The following NRG3 variants were observed in gnomAD, a reference collection of about 807,000 sequenced individuals.
The protein encoded by NRG3 is neuregulin 3.
In NRG3, 31 loss-of-function variants were observed where a neutral mutation model predicts 66.9. That is an observed-to-expected ratio of 0.46 (90% CI 0.35 to 0.63). NRG3 has a LOEUF of 0.63. NRG3 is among the 20% of genes least tolerant of loss of function. The pLI is 0.00. For synonymous variants in NRG3, 393 were observed against 359.4 expected, an observed-to-expected ratio of 1.09 and a Z score of -1.06; for missense variants, 910 against 878.9, an observed-to-expected ratio of 1.04 and a Z score of -0.45.
intron 4 of NRG3, among the ~76,000 whole-genome samples, chr10:82,867,028 A>T (rs903526119): frequency 6.6e-6 from 1 of 152,198 alleles, no homozygotes; most frequent in African/African-American, 2.4e-5. Context: ...ATGATAAACT[A>T]TACTGGAATT....
chr10:82,208,134 A>G (rs2075217785), intron 1 of NRG3, among the ~76,000 whole-genome samples: 1 of 152,164 alleles, frequency 6.6e-6, no homozygotes, highest in Admixed American at 6.6e-5. Flanking sequence ...CTTAAGTCTC[A>G]TCGATATAAA....
chr10:82,894,976 G>C (rs1843511226), intron 4 of NRG3, among the ~76,000 whole-genome samples: 1 of 152,134 alleles, frequency 6.6e-6, no homozygotes, highest in East Asian at 1.9e-4. Context: ...TCCCACTTAT[G>C]AGTCAGAACA....
chr10:82,947,067 G>A (rs1235420783), intron 4 of NRG3, among the ~76,000 whole-genome samples: 1 of 152,072 alleles, frequency 6.6e-6, no homozygotes, highest in Non-Finnish European at 1.5e-5. Context: ...TAACATGTCT[G>A]TAACTCCCAA....
chr10:82,324,264 T>A (rs1412419692), intron 1 of NRG3, among the ~76,000 whole-genome samples: 1 of 152,244 alleles, frequency 6.6e-6, no homozygotes, highest in Non-Finnish European at 1.5e-5. Flanking sequence ...TCTGTAGTGC[T>A]GTCATTTCTC....
At chr10:82,742,007 A>G (rs2058446324) in intron 3 of NRG3, among the ~76,000 whole-genome samples, 1 of 152,158 alleles carries the variant, frequency 6.6e-6, no homozygotes, top group South Asian at 2.1e-4. Context: ...TGCTCATGAT[A>G]TCTTCAGAAT....
chr10:82,140,427 C>A (rs1201244524), intron 1 of NRG3, among the ~76,000 whole-genome samples: 3 of 152,226 alleles, frequency 2.0e-5, no homozygotes, highest in Non-Finnish European at 4.4e-5. Context: ...TTTACACTAT[C>A]AATTGGCTGA....
chr10:81,956,058 G>A lies in NRG3; in HGVS notation c.823+79895G>A, dbSNP rs149344197. Among the ~76,000 whole-genome samples, 442 of 152,236 alleles carry A rather than the reference G, an allele frequency of 2.9e-3. 2 individuals are homozygous for A. Among genetic ancestry groups the A allele is most frequent in the African/African-American group, 5.4e-3 (226 of 41,560 alleles). On this transcript the variant is annotated intron_variant, in intron 1 of 8. Coordinates refer to ENST00000372141, the MANE Select transcript of NRG3 (RefSeq NM_001010848.4). ...GACCACAGCAAAGATCTCATCCCAC[G>A]TGCTTTTCTTACAGTGTAACTTTGG... is the stretch of plus-strand genomic sequence containing the variant.
At chr10:82,364,467 T>C (rs1280439881) in intron 2 of NRG3, among the ~76,000 whole-genome samples, 1 of 152,182 alleles carries the variant, frequency 6.6e-6, no homozygotes, top group African/African-American at 2.4e-5. Flanking sequence ...AATCAGAATA[T>C]TCTATGATCT....
At chr10:81,925,074 T>C (rs758015335) in intron 1 of NRG3, among the ~76,000 whole-genome samples, 69 of 152,220 alleles carry the variant, frequency 4.5e-4, no homozygotes, top group Non-Finnish European at 4.6e-4. Context: ...ATTTCTTCCC[T>C]GTTGTGCTTC....
chr10:82,729,770 A>T (rs977349116), intron 2 of NRG3, among the ~76,000 whole-genome samples: 1 of 152,212 alleles, frequency 6.6e-6, no homozygotes, highest in Non-Finnish European at 1.5e-5. Flanking sequence ...AGGTACTAAA[A>T]GTGACCAATG....
At chr10:82,101,919 TA>T (rs76459405) in intron 1 of NRG3, among the ~76,000 whole-genome samples, 13,180 of 149,956 alleles carry the variant, frequency 0.088, 801 homozygotes, top group East Asian at 0.33. Context: ...TTTGAAATCT[TA>T]AAGAATAATT....
chr10:82,576,828 A>G (rs2046060577), intron 2 of NRG3, among the ~76,000 whole-genome samples: 1 of 151,742 alleles, frequency 6.6e-6, no homozygotes, highest in African/African-American at 2.4e-5. Context: ...GTTTGTTAGT[A>G]AATAAACAAA....
chr10:82,511,414 T>A (rs1487990891), intron 2 of NRG3, among the ~76,000 whole-genome samples: 2 of 152,216 alleles, frequency 1.3e-5, no homozygotes, highest in African/African-American at 4.8e-5. Context: ...CTCTGTATGA[T>A]GCACTTTGAA....
At chr10:82,696,744 C>T (rs1188220259) in intron 2 of NRG3, among the ~76,000 whole-genome samples, 1 of 152,058 alleles carries the variant, frequency 6.6e-6, no homozygotes, top group Non-Finnish European at 1.5e-5. Flanking sequence ...ACAGAATGCT[C>T]ACAGGAGTGT....
intron 1 of NRG3, among the ~76,000 whole-genome samples, chr10:81,918,992 C>CACACACACACAT (rs750729271): frequency 2.5e-4 from 37 of 148,070 alleles, no homozygotes; most frequent in African/African-American, 9.5e-4. Flanking sequence ...CACACACACA[C>CACACACACACAT]ACATACATAC....
intron 4 of NRG3, among the ~76,000 whole-genome samples, chr10:82,902,649 TC>T (rs767581098): frequency 5.3e-5 from 8 of 152,150 alleles, no homozygotes; most frequent in Non-Finnish European, 1.0e-4. Context: ...TGCTTTCACA[TC>T]ATCAATTATG....
At chr10:82,550,995 A>C (rs1261238468) in intron 2 of NRG3, among the ~76,000 whole-genome samples, 1 of 152,036 alleles carries the variant, frequency 6.6e-6, no homozygotes, top group Admixed American at 6.6e-5. Flanking sequence ...CCAAAAATTA[A>C]AGCTTGCATT....
At chr10:82,086,696 T>C (rs2065747961) in intron 1 of NRG3, among the ~76,000 whole-genome samples, 4 of 152,146 alleles carry the variant, frequency 2.6e-5, no homozygotes, top group Admixed American at 2.0e-4. Flanking sequence ...GAATTATGCA[T>C]TGGATCTTGG....
intron 2 of NRG3, among the ~76,000 whole-genome samples, chr10:82,710,686 CT>C (rs1213266481): frequency 6.8e-6 from 1 of 146,242 alleles, no homozygotes; most frequent in Non-Finnish European, 1.5e-5. Context: ...TAGCTCATAT[CT>C]TTTTCATTTT....
Sources: gnomAD v4.1 joint callset for allele counts (sites outside exome capture counted in the v4.1 genomes callset) on GRCh38, gnomAD v4.1.1 for gene constraint, MANE v1.5 for transcripts, NCBI Gene and HGNC (gene_info 2026-07-23, HGNC 2026-07-21) for gene names.